Variants in ENOX1 observed in about 807,000 individuals in gnomAD.
ENOX1 encodes ecto-NOX disulfide-thiol exchanger 1, also known as candidate growth-related and time keeping constitutive hydroquinone (NADH) oxidase.
A neutral mutation model predicts 82.5 loss-of-function variants in ENOX1; 42 were observed. The observed-to-expected ratio is 0.51, with a 90% CI of 0.40 to 0.66. ENOX1 has a LOEUF of 0.66. Among genes scored for constraint, ENOX1 ranks in the 30% least tolerant of loss-of-function variants. ENOX1 has a pLI of 0.00. For missense variants in ENOX1, 608 were observed against 811.6 expected, an observed-to-expected ratio of 0.75 and a Z score of 3.05; for synonymous variants, 271 against 282.2, an observed-to-expected ratio of 0.96 and a Z score of 0.40.
At chr13:43,567,826 C>T (rs983017039) in intron 2 of ENOX1, among the ~76,000 whole-genome samples, 3 of 152,198 alleles carry the variant, frequency 2.0e-5, no homozygotes, top group African/African-American at 7.2e-5. Context: ...ATTTAACAAG[C>T]TAGAAACCCA....
chr13:43,260,889 C>G (rs1173443252), intron 14 of ENOX1, among the ~76,000 whole-genome samples: 3 of 152,164 alleles, frequency 2.0e-5, no homozygotes, highest in African/African-American at 7.2e-5. Context: ...TTTGGTTACA[C>G]TTAAATGGTT....
chr13:43,768,396 G>A (rs1008356151), intron 1 of ENOX1, among the ~76,000 whole-genome samples: 12 of 152,150 alleles, frequency 7.9e-5, no homozygotes, highest in Non-Finnish European at 7.4e-5. Flanking sequence ...GAGGCCAGGA[G>A]TTTAAGACCA....
rs544276042 is a variant in ENOX1, at chr13:43,414,716, C to T, written c.-74-1728G>A. Among the ~76,000 whole-genome samples the T allele has an allele frequency of 9.8e-5, 15 of 152,288 alleles. No homozygotes were observed. In the South Asian group the frequency reaches 2.1e-3, roughly 21 times the overall value. On this transcript the variant is annotated intron_variant, in intron 3 of 16. Coordinates refer to ENST00000690772, the MANE Select transcript of ENOX1 (RefSeq NM_001347969.2). Reference sequence around the variant, plus strand: ...GCAGAGCTGTTTCAGATCTTTGCAACGTCACTATTTGTCTTACTTATCTCC... The same window carrying T: ...GCAGAGCTGTTTCAGATCTTTGCAATGTCACTATTTGTCTTACTTATCTCC...
intron 1 of ENOX1, among the ~76,000 whole-genome samples, chr13:43,751,835 A>G (rs903003296): frequency 3.9e-5 from 6 of 152,342 alleles, no homozygotes; most frequent in African/African-American, 1.4e-4. Flanking sequence ...GAACACTGCT[A>G]TGAACATTCA....
At chr13:43,416,506 G>C (rs1227567126) in intron 3 of ENOX1, among the ~76,000 whole-genome samples, 1 of 149,516 alleles carries the variant, frequency 6.7e-6, no homozygotes, top group African/African-American at 2.5e-5. Flanking sequence ...ATGATGGGTG[G>C]CCGGGCAGAG....
intron 2 of ENOX1, among the ~76,000 whole-genome samples, chr13:43,624,648 T>C (rs970022670): frequency 2.0e-5 from 3 of 152,130 alleles, no homozygotes; most frequent in African/African-American, 7.2e-5. Flanking sequence ...TTAAAGAGCA[T>C]CTTGTCTCTA....
At chr13:43,571,484 GC>G (rs1401716642) in intron 2 of ENOX1, among the ~76,000 whole-genome samples, 17 of 151,386 alleles carry the variant, frequency 1.1e-4, no homozygotes, top group Admixed American at 1.1e-3. Context: ...TTTGAGACCA[GC>G]CTGCCAACAT....
chr13:43,374,818 C>T (rs2051505856), intron 5 of ENOX1, among the ~76,000 whole-genome samples: 1 of 152,174 alleles, frequency 6.6e-6, no homozygotes, highest in Non-Finnish European at 1.5e-5. Context: ...CACAGTGTCA[C>T]TGGAATCACA....
At chr13:43,694,248 A>G (rs2153805591) in intron 1 of ENOX1, among the ~76,000 whole-genome samples, 1 of 150,504 alleles carries the variant, frequency 6.6e-6, no homozygotes, top group African/African-American at 2.4e-5. Flanking sequence ...AAACAGAGAG[A>G]GAGACTAATT....
chr13:43,266,436 A>C (rs1046236743), intron 13 of ENOX1, among the ~76,000 whole-genome samples: 7 of 151,872 alleles, frequency 4.6e-5, no homozygotes, highest in Non-Finnish European at 1.0e-4. Flanking sequence ...AACTCCCAGC[A>C]AAAAAAAGCC....
intron 12 of ENOX1, among the ~76,000 whole-genome samples, chr13:43,291,959 G>A (rs934950577): frequency 2.0e-5 from 3 of 152,076 alleles, no homozygotes; most frequent in Non-Finnish European, 2.9e-5. Context: ...AGAAAGACTC[G>A]GCCACGCAGC....
intron 3 of ENOX1, among the ~76,000 whole-genome samples, chr13:43,475,840 G>T (rs2058260228): frequency 1.5e-5 from 2 of 132,142 alleles, no homozygotes; most frequent in South Asian, 5.1e-4. Context: ...TCTTAGAATA[G>T]CAAAACAGAA....
chr13:43,477,052 TA>T (rs67337073), intron 3 of ENOX1, among the ~76,000 whole-genome samples: 35 of 149,788 alleles, frequency 2.3e-4, no homozygotes, highest in Middle Eastern at 3.5e-3. Context: ...TCTAAAAAAA[TA>T]AAAAAAAAAT....
intron 5 of ENOX1, 134 bp downstream of exon 5, chr13:43,411,781 CA>C (rs1206156527): frequency 8.9e-7 from 1 of 1,129,254 alleles, no homozygotes; most frequent in African/African-American, 1.6e-5. Flanking sequence ...ATCTCAAGTA[CA>C]ACTTGCCAAA....
At chr13:43,555,651 A>T (rs1047875556) in intron 2 of ENOX1, among the ~76,000 whole-genome samples, 5 of 152,200 alleles carry the variant, frequency 3.3e-5, no homozygotes, top group Admixed American at 1.3e-4. Flanking sequence ...ACCTCAGTCT[A>T]CCTACATGGA....
chr13:43,564,942 C>T (rs1487113837), intron 2 of ENOX1, among the ~76,000 whole-genome samples: 4 of 152,050 alleles, frequency 2.6e-5, no homozygotes, highest in Admixed American at 6.6e-5. Context: ...ACCACCAGTC[C>T]ATCACTCTCT....
chr13:43,453,459 GAC>G (rs2057072036), intron 3 of ENOX1, among the ~76,000 whole-genome samples: 1 of 152,200 alleles, frequency 6.6e-6, no homozygotes, highest in African/African-American at 2.4e-5. Flanking sequence ...ACTGGGTCAT[GAC>G]AGAGTGGATT....
intron 2 of ENOX1, among the ~76,000 whole-genome samples, chr13:43,608,739 T>C (rs569052665): frequency 1.3e-5 from 2 of 152,274 alleles, no homozygotes; most frequent in African/African-American, 4.8e-5. Context: ...ATCCTATATA[T>C]GAACCAAAGA....
At chr13:43,500,617 A>T (rs531652221) in intron 2 of ENOX1, among the ~76,000 whole-genome samples, 20 of 152,162 alleles carry the variant, frequency 1.3e-4, no homozygotes, top group African/African-American at 4.8e-4. Context: ...AAGGATACTA[A>T]ACAGCAACAT....
Sources: gnomAD v4.1 joint callset for allele counts (sites outside exome capture counted in the v4.1 genomes callset) on GRCh38, gnomAD v4.1.1 for gene constraint, MANE v1.5 for transcripts, NCBI Gene and HGNC (gene_info 2026-07-23, HGNC 2026-07-21) for gene names.